NRG1: variants seen among roughly 807,000 people sequenced by gnomAD.
NRG1 encodes neuregulin 1, also known as pro-neuregulin-1, membrane-bound isoform.
NRG1 carries 18 observed loss-of-function variants against 63.8 expected under a neutral mutation model. The ratio of observed to expected loss-of-function variants is 0.28; its 90% CI spans 0.19 to 0.42. NRG1 has a LOEUF of 0.42. Among genes scored for constraint, NRG1 ranks in the 10% least tolerant of loss-of-function variants. The probability of loss-of-function intolerance (pLI) is 1.00; values close to 1 mark genes in which losing one functional copy is unlikely to be tolerated. For synonymous variants in NRG1, 302 were observed against 301.3 expected (o/e 1.00, Z -0.02); for missense variants, 762 against 814.7 (o/e 0.94, Z 0.79).
At chr8:31,732,785 C>T (rs1448547609) in intron 1 of NRG1, among the ~76,000 whole-genome samples, 1 of 152,102 alleles carries the variant, frequency 6.6e-6, no homozygotes, top group African/African-American at 2.4e-5. Context: ...ATCTCAGCTA[C>T]TCAGGAGGCT....
chr8:32,183,148 A>G (rs904022679), intron 1 of NRG1, among the ~76,000 whole-genome samples: 3 of 152,158 alleles, frequency 2.0e-5, no homozygotes, highest in African/African-American at 7.2e-5. Flanking sequence ...CAGTTGCTGG[A>G]TGGTGGAGCT....
At chr8:31,785,401 G>C (rs1393518967) in intron 1 of NRG1, among the ~76,000 whole-genome samples, 1 of 152,152 alleles carries the variant, frequency 6.6e-6, no homozygotes. Flanking sequence ...TCCAGGTGCA[G>C]AAAAGAAAGG....
At chr8:32,206,696 T>C (rs1284711856) in intron 1 of NRG1, among the ~76,000 whole-genome samples, 2 of 152,216 alleles carry the variant, frequency 1.3e-5, no homozygotes, top group Non-Finnish European at 2.9e-5. Context: ...CATGGATGTA[T>C]TGTGTAATGG....
intron 1 of NRG1, among the ~76,000 whole-genome samples, chr8:31,917,219 A>G (rs1337740492): frequency 2.9e-4 from 33 of 112,224 alleles, no homozygotes; most frequent in Middle Eastern, 3.7e-3. Flanking sequence ...ATTAGATCCC[A>G]TTTGTCAATT....
chr8:32,587,798 T>C (rs1293431354), intron 1 of NRG1, among the ~76,000 whole-genome samples: 1 of 152,168 alleles, frequency 6.6e-6, no homozygotes, highest in Non-Finnish European at 1.5e-5. Flanking sequence ...AGTCAGGAAA[T>C]AGCCTAACCC....
intron 1 of NRG1, among the ~76,000 whole-genome samples, chr8:31,894,651 C>T (rs559489954): frequency 2.0e-5 from 3 of 150,530 alleles, no homozygotes; most frequent in African/African-American, 7.4e-5. Context: ...CCCGGGTTCA[C>T]GCCATTCTCC....
chr8:32,151,551 G>A (rs1196042589), intron 1 of NRG1, among the ~76,000 whole-genome samples: 1 of 152,136 alleles, frequency 6.6e-6, no homozygotes, highest in African/African-American at 2.4e-5. Context: ...ATTCTGGAAA[G>A]CATGGCTTCA....
At chr8:31,942,334 A>G (rs995813894) in intron 1 of NRG1, among the ~76,000 whole-genome samples, 3 of 152,194 alleles carry the variant, frequency 2.0e-5, no homozygotes, top group Admixed American at 6.5e-5. Flanking sequence ...GGCAAGCCAC[A>G]TGTAGAGGAA....
chr8:32,275,310 A>G (rs1469324983), intron 1 of NRG1, among the ~76,000 whole-genome samples: 2 of 152,082 alleles, frequency 1.3e-5, no homozygotes, highest in Non-Finnish European at 2.9e-5. Context: ...AGTGAGCAAA[A>G]TAACACAAAA....
At chr8:32,255,583 G>A (rs1196295251) in intron 1 of NRG1, among the ~76,000 whole-genome samples, 1 of 152,068 alleles carries the variant, frequency 6.6e-6, no homozygotes, top group East Asian at 1.9e-4. Flanking sequence ...GGACTTTCTT[G>A]AAGAAATGGG....
At chr8:32,153,343 C>T (rs977639303) in intron 1 of NRG1, among the ~76,000 whole-genome samples, 4 of 152,066 alleles carry the variant, frequency 2.6e-5, no homozygotes, top group African/African-American at 9.7e-5. Context: ...CCTAGACTGA[C>T]TTTTTAATAC....
intron 1 of NRG1, among the ~76,000 whole-genome samples, chr8:32,325,617 G>T (rs1372147905): frequency 3.9e-5 from 6 of 152,088 alleles, no homozygotes; most frequent in Non-Finnish European, 5.9e-5. Context: ...GGGCATAAGT[G>T]ATTCTCCTGC....
At chr8:31,708,455 T>G (rs922401837) in intron 1 of NRG1, among the ~76,000 whole-genome samples, 3 of 150,654 alleles carry the variant, frequency 2.0e-5, no homozygotes, top group Non-Finnish European at 4.4e-5. Flanking sequence ...TGTTTTTTTT[T>G]TTTTTTTTGA....
At chr8:32,727,220 A>G (rs1362302333) in intron 5 of NRG1, among the ~76,000 whole-genome samples, 3 of 152,180 alleles carry the variant, frequency 2.0e-5, no homozygotes, top group Non-Finnish European at 4.4e-5. Flanking sequence ...CCAAACTTGA[A>G]ACTTATTTCT....
chr8:32,086,365 A>G (rs1828220460), intron 1 of NRG1, among the ~76,000 whole-genome samples: 1 of 152,224 alleles, frequency 6.6e-6, no homozygotes, highest in Non-Finnish European at 1.5e-5. Flanking sequence ...GTGTCTCCGC[A>G]TTTAGATAGA....
intron 1 of NRG1, among the ~76,000 whole-genome samples, chr8:32,381,909 T>C (rs999444529): frequency 7.2e-5 from 11 of 152,188 alleles, no homozygotes; most frequent in Non-Finnish European, 8.8e-5. Context: ...TAATTGAACA[T>C]ATTTGACAAA....
intron 7 of NRG1, among the ~76,000 whole-genome samples, chr8:32,773,576 A>G (rs1263378622): frequency 6.6e-6 from 1 of 152,114 alleles, no homozygotes; most frequent in African/African-American, 2.4e-5. Context: ...TGATTGTACC[A>G]CTGACAGGTC....
chr8:32,009,214 C>T (rs1035587909), intron 1 of NRG1, among the ~76,000 whole-genome samples: 3 of 152,070 alleles, frequency 2.0e-5, no homozygotes, highest in Non-Finnish European at 2.9e-5. Flanking sequence ...ATAGGAACCA[C>T]AGTAAGTATC....
At chr8:32,377,483 C>A (rs576713674) in intron 1 of NRG1, among the ~76,000 whole-genome samples, 1 of 152,270 alleles carries the variant, frequency 6.6e-6, no homozygotes, top group South Asian at 2.1e-4. Flanking sequence ...GCAAGATATG[C>A]AGGCTGTTTT....
Sources: gnomAD v4.1 joint callset for allele counts (sites outside exome capture counted in the v4.1 genomes callset) on GRCh38, gnomAD v4.1.1 for gene constraint, MANE v1.5 for transcripts, NCBI Gene and HGNC (gene_info 2026-07-23, HGNC 2026-07-21) for gene names.